GALNT10: variants seen among roughly 807,000 people sequenced by gnomAD.
The protein encoded by GALNT10 is GalNAc transferase 10.
In GALNT10, 41 loss-of-function variants were observed where a neutral mutation model predicts 75.0. The ratio of observed to expected loss-of-function variants is 0.55; its 90% CI spans 0.43 to 0.71. The LOEUF (loss-of-function observed/expected upper bound fraction) is 0.71, where lower values mean the gene tolerates loss of function less well. Ranked by LOEUF, GALNT10 falls within the 30% of genes least tolerant of loss-of-function variation. The probability of loss-of-function intolerance (pLI) is 0.00; values close to 1 mark genes in which losing one functional copy is unlikely to be tolerated. For synonymous variants in GALNT10, 302 were observed against 313.0 expected (o/e 0.96, Z 0.37); for missense variants, 727 against 818.5 (o/e 0.89, Z 1.36).
intron 1 of GALNT10, among the ~76,000 whole-genome samples, chr5:154,232,027 G>T (rs930266141): frequency 3.9e-5 from 6 of 152,198 alleles, no homozygotes; most frequent in Non-Finnish European, 7.4e-5. Context: ...TGCCCTCCGG[G>T]GGGAGAGAGC....
At chr5:154,224,264 C>G (rs1040181897) in intron 1 of GALNT10, among the ~76,000 whole-genome samples, 2 of 152,102 alleles carry the variant, frequency 1.3e-5, no homozygotes, top group Non-Finnish European at 2.9e-5. Flanking sequence ...GTGTTGGGGC[C>G]CCCAGCTAGG....
chr5:154,198,257 A>G (rs1394027403), intron 1 of GALNT10, among the ~76,000 whole-genome samples: 2 of 152,204 alleles, frequency 1.3e-5, no homozygotes, highest in Admixed American at 1.3e-4. Flanking sequence ...CTTGGTCTGT[A>G]AAATGGTAGT....
chr5:154,223,299 A>C (rs1753011078), intron 1 of GALNT10, among the ~76,000 whole-genome samples: 1 of 152,184 alleles, frequency 6.6e-6, no homozygotes, highest in African/African-American at 2.4e-5. Context: ...AGATTGTCTT[A>C]ATTTGGCAGA....
rs571562891 is a variant in GALNT10 at position 154,241,623 on chromosome 5, T to C, written c.159+50598T>C. 4.3e-4 allele frequency among the ~76,000 whole-genome samples: 65 copies of C among 152,350 alleles called. 1 individual carries two copies. In the South Asian group the frequency reaches 0.012, roughly 27 times the overall value. The stretch of plus-strand genomic sequence containing the variant: ...CTAAAAATTAAAACCAAGCTTTTTT[T>C]CACTTAATATATTGTGAATAGGAAT... On this transcript the variant is annotated intron_variant, in intron 1 of 11. Coordinates refer to ENST00000297107, the MANE Select transcript of GALNT10 (RefSeq NM_198321.4).
chr5:154,305,346 A>G (rs2113087810), intron 3 of GALNT10, among the ~76,000 whole-genome samples: 1 of 152,170 alleles, frequency 6.6e-6, no homozygotes, highest in East Asian at 1.9e-4. Flanking sequence ...AAAATGATGG[A>G]CTTTAACCTG....
At chr5:154,375,925 G>A (rs1205174062) in intron 4 of GALNT10, among the ~76,000 whole-genome samples, 1 of 152,266 alleles carries the variant, frequency 6.6e-6, no homozygotes, top group Non-Finnish European at 1.5e-5. Flanking sequence ...CTGATGGACT[G>A]AGAAGGGAAG....
At chr5:154,295,524 G>A (rs910679783) in intron 2 of GALNT10, among the ~76,000 whole-genome samples, 1 of 152,188 alleles carries the variant, frequency 6.6e-6, no homozygotes, top group African/African-American at 2.4e-5. Flanking sequence ...CCATGAGACT[G>A]AGTCAACTTA....
intron 1 of GALNT10, among the ~76,000 whole-genome samples, chr5:154,279,275 T>TTTGTTG (rs143621696): frequency 8.2e-5 from 12 of 146,292 alleles, no homozygotes; most frequent in South Asian, 4.3e-4. Flanking sequence ...AATGCTAGTT[T>TTTGTTG]TTGTTGTTGT....
At chr5:154,302,300 C>T (rs1022839580) in intron 3 of GALNT10, among the ~76,000 whole-genome samples, 1 of 152,264 alleles carries the variant, frequency 6.6e-6, no homozygotes, top group Non-Finnish European at 1.5e-5. Flanking sequence ...GCACTGGGGA[C>T]TGCGTAGCCA....
Position 154,293,125 on chromosome 5 carries a change from C to T in GALNT10, c.160-1691C>T, listed in dbSNP as rs115425607. On this transcript the variant is annotated intron_variant, in intron 1 of 11. Transcript: ENST00000297107. ...AAAGATGTTGAGCCATTGTGGAAAA[C>T]CTGCTAACACAGGGATCAGCCAGAG... Among the ~76,000 whole-genome samples, 1,446 of 152,236 alleles carry T rather than the reference C, an allele frequency of 9.5e-3. 17 individuals are homozygous for T. Among genetic ancestry groups the T allele is most frequent in the African/African-American group, 0.033 (1,366 of 41,536 alleles).
intron 1 of GALNT10, among the ~76,000 whole-genome samples, chr5:154,256,353 G>A (rs73802974): frequency 1.1e-4 from 2 of 18,926 alleles, no homozygotes; most frequent in East Asian, 0.014. Flanking sequence ...TGTTGTTTTT[G>A]TTTTTTTTTT....
At chr5:154,231,074 A>G (rs1753144069) in intron 1 of GALNT10, among the ~76,000 whole-genome samples, 1 of 152,164 alleles carries the variant, frequency 6.6e-6, no homozygotes, top group Non-Finnish European at 1.5e-5. Flanking sequence ...TTGTCCTTAT[A>G]TATAGATGAG....
chr5:154,384,000 T>G (rs1290345397), intron 6 of GALNT10, among the ~76,000 whole-genome samples: 1 of 151,994 alleles, frequency 6.6e-6, no homozygotes, highest in African/African-American at 2.4e-5. Context: ...AGCAAACACA[T>G]CCTTCTTCAC....
intron 1 of GALNT10, among the ~76,000 whole-genome samples, chr5:154,238,531 C>G (rs1753283095): frequency 6.6e-6 from 1 of 152,186 alleles, no homozygotes; most frequent in African/African-American, 2.4e-5. Context: ...CCTTCTCCCC[C>G]TGCGCTTTAC....
At chr5:154,322,835 C>T (rs929096820) in intron 3 of GALNT10, among the ~76,000 whole-genome samples, 1 of 152,150 alleles carries the variant, frequency 6.6e-6, no homozygotes, top group African/African-American at 2.4e-5. Flanking sequence ...ATCACACTGC[C>T]CTACAGCTAC....
At chr5:154,275,668 A>G (rs888933520) in intron 1 of GALNT10, among the ~76,000 whole-genome samples, 1 of 152,198 alleles carries the variant, frequency 6.6e-6, no homozygotes, top group Admixed American at 6.5e-5. Flanking sequence ...GCTCATTCGC[A>G]TGACTGGTGA....
intron 3 of GALNT10, among the ~76,000 whole-genome samples, chr5:154,310,473 G>GT (rs1444421742): frequency 2.7e-5 from 4 of 150,834 alleles, no homozygotes; most frequent in Non-Finnish European, 4.4e-5. Flanking sequence ...TTGTTTGTTT[G>GT]TTTGTTTTGT....
At chr5:154,360,405 T>C (rs1253791222) in intron 4 of GALNT10, among the ~76,000 whole-genome samples, 3 of 151,312 alleles carry the variant, frequency 2.0e-5, no homozygotes, top group Non-Finnish European at 4.4e-5. Flanking sequence ...GAGCCACGAT[T>C]GCGCCACTGC....
intron 4 of GALNT10, among the ~76,000 whole-genome samples, chr5:154,348,407 A>G (rs1178868972): frequency 1.3e-5 from 2 of 152,254 alleles, no homozygotes; most frequent in Admixed American, 6.5e-5. Context: ...ATAAATGCCA[A>G]CTATTGTTTT....
Sources: gnomAD v4.1 joint callset for allele counts (sites outside exome capture counted in the v4.1 genomes callset) on GRCh38, gnomAD v4.1.1 for gene constraint, MANE v1.5 for transcripts, NCBI Gene and HGNC (gene_info 2026-07-23, HGNC 2026-07-21) for gene names.